Variants in TBL1XR1 observed in about 807,000 individuals in gnomAD.
TBL1XR1 encodes F-box-like/WD repeat-containing protein TBL1XR1.
In TBL1XR1, 5 loss-of-function variants were observed where a neutral mutation model predicts 66.9. That is an observed-to-expected ratio of 0.07 (90% CI 0.04 to 0.16). The LOEUF (loss-of-function observed/expected upper bound fraction) is 0.16. Ranked by LOEUF, TBL1XR1 falls within the 10% of genes least tolerant of loss-of-function variation. TBL1XR1 has a pLI of 1.00. For synonymous variants in TBL1XR1, 210 were observed against 206.0 expected (o/e 1.02, Z -0.17); for missense variants, 238 against 623.2 (o/e 0.38, Z 6.58).
intron 7 of TBL1XR1, among the ~76,000 whole-genome samples, chr3:177,048,972 TTC>T (rs1277508893): frequency 1.3e-5 from 2 of 152,206 alleles, no homozygotes; most frequent in East Asian, 1.9e-4. Flanking sequence ...AAGAAAATAA[TTC>T]TGTCTTGATC....
intron 1 of TBL1XR1, among the ~76,000 whole-genome samples, chr3:177,193,575 C>T (rs534793648): frequency 9.8e-5 from 15 of 152,324 alleles, no homozygotes; most frequent in African/African-American, 3.6e-4. Flanking sequence ...TTCCAAAGTG[C>T]TTGGATTACA....
chr3:177,038,041 C>T, intron 12 of TBL1XR1, 57 bp downstream of exon 12: 1 of 1,511,688 alleles, frequency 6.6e-7, no homozygotes, highest in South Asian at 1.2e-5. Flanking sequence ...TTAAAATGGC[C>T]AGAGCAACCA....
chr3:177,065,289 A>G (rs184321027), intron 2 of TBL1XR1, among the ~76,000 whole-genome samples: 24 of 152,332 alleles, frequency 1.6e-4, no homozygotes, highest in Non-Finnish European at 8.8e-5. Context: ...TATTTTAATG[A>G]TTTTATCAAA....
intron 1 of TBL1XR1, among the ~76,000 whole-genome samples, chr3:177,196,858 G>A (rs1276046533): frequency 2.0e-5 from 3 of 151,918 alleles, no homozygotes; most frequent in Non-Finnish European, 4.4e-5. Flanking sequence ...CCCGAGACCG[G>A]GAAAGGGTAG....
intron 1 of TBL1XR1, among the ~76,000 whole-genome samples, chr3:177,195,252 T>C (rs1283581871): frequency 6.6e-6 from 1 of 151,886 alleles, no homozygotes; most frequent in Non-Finnish European, 1.5e-5. Flanking sequence ...AGAAGCCTAA[T>C]CACACATCAC....
chr3:177,053,550 T>C (rs1308784012), intron 4 of TBL1XR1, among the ~76,000 whole-genome samples: 1 of 152,216 alleles, frequency 6.6e-6, no homozygotes, highest in Non-Finnish European at 1.5e-5. Flanking sequence ...TAGTGTTTAC[T>C]TACACAAACA....
At chr3:177,070,713 G>C (rs957975586) in intron 2 of TBL1XR1, among the ~76,000 whole-genome samples, 2 of 152,172 alleles carry the variant, frequency 1.3e-5, no homozygotes, top group East Asian at 3.9e-4. Context: ...CCAGCATGAG[G>C]CAGGTGCCTG....
intron 15 of TBL1XR1, 144 bp downstream of exon 15, chr3:177,026,229 G>C (rs959054100): frequency 3.0e-6 from 2 of 655,934 alleles, no homozygotes; most frequent in Non-Finnish European, 5.1e-6. Flanking sequence ...CACATGAAAA[G>C]TTTACAGCCT....
At chr3:177,100,624 T>G (rs953564106) in intron 1 of TBL1XR1, among the ~76,000 whole-genome samples, 2 of 151,962 alleles carry the variant, frequency 1.3e-5, no homozygotes, top group Admixed American at 1.3e-4. Context: ...GGGGTTTCAC[T>G]ATGTTGGCCA....
At chr3:177,051,824 C>T in intron 4 of TBL1XR1, 98 bp from the exon 5 acceptor site, 2 of 1,368,292 alleles carry the variant, frequency 1.5e-6, no homozygotes, top group East Asian at 5.3e-5. Flanking sequence ...ATCTTCGTTC[C>T]TAAAAAAACA....
intron 1 of TBL1XR1, among the ~76,000 whole-genome samples, chr3:177,145,333 C>T (rs1444823894): frequency 2.6e-5 from 4 of 152,088 alleles, no homozygotes; most frequent in African/African-American, 9.7e-5. Context: ...GGCAGCACTG[C>T]ATTGTTTTTT....
intron 2 of TBL1XR1, among the ~76,000 whole-genome samples, chr3:177,076,783 T>A (rs75427956): frequency 6.6e-6 from 1 of 152,364 alleles, no homozygotes; most frequent in Non-Finnish European, 1.5e-5. Flanking sequence ...AAGAATCAAT[T>A]TAAGTGGCTG....
intron 1 of TBL1XR1, chr3:177,126,129 G>C (rs574825994): frequency 8.5e-5 from 13 of 152,212 alleles, no homozygotes; most frequent in African/African-American, 3.1e-4. Flanking sequence ...ATCAGTTACC[G>C]CATTTTTAAA....
chr3:177,037,953 C>A, intron 12 of TBL1XR1, 145 bp downstream of exon 12: 1 of 619,488 alleles, frequency 1.6e-6, no homozygotes, highest in East Asian at 2.9e-5. Flanking sequence ...ATTTAAAAAA[C>A]AATGGTTAGC....
intron 1 of TBL1XR1, among the ~76,000 whole-genome samples, chr3:177,133,404 G>A (rs1728535585): frequency 6.6e-6 from 1 of 152,176 alleles, no homozygotes; most frequent in Non-Finnish European, 1.5e-5. Flanking sequence ...TACATCCTGA[G>A]CTTTCATTGC....
At chr3:177,103,544 A>G (rs1724492477) in intron 1 of TBL1XR1, among the ~76,000 whole-genome samples, 1 of 152,234 alleles carries the variant, frequency 6.6e-6, no homozygotes, top group African/African-American at 2.4e-5. Context: ...TTTTTTTAAC[A>G]TGGAAAAATT....
chr3:177,187,110 T>A (rs1735516033), intron 1 of TBL1XR1, among the ~76,000 whole-genome samples: 1 of 146,514 alleles, frequency 6.8e-6, no homozygotes, highest in South Asian at 2.2e-4. Context: ...GAGTGTGCCA[T>A]GAGCCGAGAT....
intron 2 of TBL1XR1, among the ~76,000 whole-genome samples, chr3:177,096,335 T>TACACACACACAC (rs6148210): frequency 0.25 from 37,338 of 150,144 alleles, 5,077 homozygotes; most frequent in East Asian, 0.41. Context: ...CATACATACA[T>TACACACACACAC]ACACACACAC....
intron 14 of TBL1XR1, among the ~76,000 whole-genome samples, chr3:177,031,754 C>T (rs1016336388): frequency 2.0e-5 from 3 of 149,964 alleles, no homozygotes; most frequent in South Asian, 2.1e-4. Context: ...AGAAAGATCC[C>T]GTTTCTATTT....
Sources: allele counts gnomAD v4.1 joint callset (sites outside exome capture counted in the v4.1 genomes callset), GRCh38; gene constraint gnomAD v4.1.1; transcripts MANE v1.5; gene names NCBI Gene and HGNC (gene_info 2026-07-23, HGNC 2026-07-21).